Variants in IL1RAPL1 observed in about 807,000 individuals in gnomAD.
IL1RAPL1 encodes the protein interleukin-1 receptor accessory protein-like 1.
A neutral mutation model predicts 48.4 loss-of-function variants in IL1RAPL1; 3 were observed. The ratio of observed to expected loss-of-function variants is 0.06; its 90% CI spans 0.03 to 0.16. The LOEUF (loss-of-function observed/expected upper bound fraction) is 0.16. IL1RAPL1 is among the 10% of genes least tolerant of loss of function. The pLI is 1.00. For synonymous variants in IL1RAPL1, 185 were observed against 187.7 expected (o/e 0.99, Z 0.12); for missense variants, 349 against 530.6 (o/e 0.66, Z 3.36).
intron 2 of IL1RAPL1, among the ~76,000 whole-genome samples, chrX:29,245,389 C>T (rs957270687): frequency 5.4e-5 from 6 of 111,670 alleles, no homozygotes; most frequent in Non-Finnish European, 9.4e-5. Flanking sequence ...TACACTCCCA[C>T]CAACAGTGTA....
At chrX:29,640,875 TCAC>T (rs749389765) in intron 5 of IL1RAPL1, among the ~76,000 whole-genome samples, 18 of 112,015 alleles carry the variant, frequency 1.6e-4, no homozygotes, top group Non-Finnish European at 2.6e-4. Flanking sequence ...TGCTTAGAAA[TCAC>T]CAGCGGCCAG....
chrX:29,074,973 C>T (rs1485259713), intron 2 of IL1RAPL1, among the ~76,000 whole-genome samples: 1 of 112,024 alleles, frequency 8.9e-6, no homozygotes, highest in African/African-American at 3.2e-5. Flanking sequence ...GAGATTTGAA[C>T]TGAGGTAAAC....
At chrX:29,652,729 A>G (rs1925557005) in intron 5 of IL1RAPL1, among the ~76,000 whole-genome samples, 1 of 111,881 alleles carries the variant, frequency 8.9e-6, no homozygotes, top group Non-Finnish European at 1.9e-5. Flanking sequence ...CACATGCTTG[A>G]CCTGCAGTTA....
intron 3 of IL1RAPL1, among the ~76,000 whole-genome samples, chrX:29,300,938 C>G (rs1023878660): frequency 8.9e-6 from 1 of 111,737 alleles, no homozygotes; most frequent in Non-Finnish European, 1.9e-5. Context: ...TTTTGTTTGT[C>G]TAAACAGTAC....
At chrX:29,428,017 C>T (rs1424668415) in intron 5 of IL1RAPL1, among the ~76,000 whole-genome samples, 1 of 112,176 alleles carries the variant, frequency 8.9e-6, no homozygotes, top group Non-Finnish European at 1.9e-5. Context: ...GGGCAGTTAG[C>T]TTGTGAGTTT....
chrX:29,223,886 C>A (rs1447934029), intron 2 of IL1RAPL1, among the ~76,000 whole-genome samples: 2 of 111,159 alleles, frequency 1.8e-5, no homozygotes, highest in Non-Finnish European at 3.8e-5. Context: ...TGGTTTTCAT[C>A]ATAATTCAAT....
intron 6 of IL1RAPL1, among the ~76,000 whole-genome samples, chrX:29,795,753 T>C (rs983539830): frequency 3.9e-4 from 44 of 112,893 alleles, no homozygotes; most frequent in African/African-American, 1.4e-3. Context: ...AACTTTTTCA[T>C]ATTTAAGAAA....
At chrX:28,616,723 C>T (rs1201070160) in intron 1 of IL1RAPL1, among the ~76,000 whole-genome samples, 2 of 111,987 alleles carry the variant, frequency 1.8e-5, no homozygotes, top group South Asian at 3.7e-4. Flanking sequence ...TGAGCCACCG[C>T]GCCCGGCCAG....
At chrX:29,087,768 T>C (rs997372176) in intron 2 of IL1RAPL1, among the ~76,000 whole-genome samples, 4 of 112,615 alleles carry the variant, frequency 3.6e-5, no homozygotes, top group African/African-American at 1.3e-4. Flanking sequence ...GCTCAATGGC[T>C]CACACCTGTA....
At chrX:28,695,345 G>A (rs1362424236) in intron 1 of IL1RAPL1, among the ~76,000 whole-genome samples, 1 of 110,528 alleles carries the variant, frequency 9.0e-6, no homozygotes, top group Non-Finnish European at 1.9e-5. Flanking sequence ...ATTAAATGAA[G>A]GGGTAAGAAT....
chrX:29,492,636 A>T (rs1294698340), intron 5 of IL1RAPL1, among the ~76,000 whole-genome samples: 1 of 112,139 alleles, frequency 8.9e-6, no homozygotes, highest in Non-Finnish European at 1.9e-5. Context: ...GCTAGAAAAG[A>T]TTATTCATCT....
At chrX:29,756,469 G>A (rs1048304704) in intron 6 of IL1RAPL1, among the ~76,000 whole-genome samples, 2 of 111,253 alleles carry the variant, frequency 1.8e-5, no homozygotes, top group Non-Finnish European at 3.8e-5. Context: ...CTGGGGTGCA[G>A]TGGTACTATC....
At chrX:29,555,749 G>C (rs976742266) in intron 5 of IL1RAPL1, among the ~76,000 whole-genome samples, 3 of 112,009 alleles carry the variant, frequency 2.7e-5, no homozygotes, top group Non-Finnish European at 5.6e-5. Flanking sequence ...ATTTGGTGTG[G>C]TTATTCAGTG....
intron 1 of IL1RAPL1, among the ~76,000 whole-genome samples, chrX:28,760,724 C>G (rs775877530): frequency 2.1e-4 from 24 of 111,755 alleles, no homozygotes; most frequent in African/African-American, 7.1e-4. Context: ...CACTGATCAT[C>G]AGAGAAATGT....
intron 5 of IL1RAPL1, among the ~76,000 whole-genome samples, chrX:29,493,831 C>T (rs1935184533): frequency 9.0e-6 from 1 of 111,000 alleles, no homozygotes; most frequent in African/African-American, 3.3e-5. Flanking sequence ...CCCCTTCCCC[C>T]ACTCCCCACA....
intron 2 of IL1RAPL1, among the ~76,000 whole-genome samples, chrX:29,119,909 T>A: frequency 9.0e-6 from 1 of 111,490 alleles, no homozygotes; most frequent in Non-Finnish European, 1.9e-5. Context: ...ACCCTAGCCT[T>A]ATGGGGTTTA....
chrX:29,179,037 C>T (rs1476908069), intron 2 of IL1RAPL1, among the ~76,000 whole-genome samples: 1 of 111,685 alleles, frequency 9.0e-6, no homozygotes, highest in Non-Finnish European at 1.9e-5. Context: ...TGTGATGCCT[C>T]CAGCTTTGTT....
chrX:29,612,520 A>G (rs1236931722), intron 5 of IL1RAPL1, among the ~76,000 whole-genome samples: 2 of 111,643 alleles, frequency 1.8e-5, no homozygotes, highest in Non-Finnish European at 3.8e-5. Flanking sequence ...TTCCTAAATT[A>G]TCTCTCAGCT....
At chrX:28,922,611 C>T (rs1230907181) in intron 2 of IL1RAPL1, among the ~76,000 whole-genome samples, 2 of 111,856 alleles carry the variant, frequency 1.8e-5, no homozygotes, top group African/African-American at 3.2e-5. Context: ...AGTAGTTTGG[C>T]TAGAAATTGA....
Sources: gnomAD v4.1 joint callset for allele counts (sites outside exome capture counted in the v4.1 genomes callset) on GRCh38, gnomAD v4.1.1 for gene constraint, MANE v1.5 for transcripts, NCBI Gene and HGNC (gene_info 2026-07-23, HGNC 2026-07-21) for gene names.